The following GRM3 variants were observed in gnomAD, a reference collection of about 807,000 sequenced individuals.
The protein encoded by GRM3 is metabotropic glutamate receptor 3.
In GRM3, 26 loss-of-function variants were observed where a neutral mutation model predicts 70.5. The observed-to-expected ratio is 0.37, with a 90% confidence interval of 0.27 to 0.51. GRM3 has a LOEUF of 0.51. GRM3 is among the 20% of genes least tolerant of loss of function. GRM3 has a pLI of 0.93. For missense variants in GRM3, 859 were observed against 1,123.8 expected (o/e 0.76, Z 3.37); for synonymous variants, 443 against 434.9 (o/e 1.02, Z -0.23).
chr7:86,706,209 T>C (rs1255042252), intron 1 of GRM3, among the ~76,000 whole-genome samples: 1 of 152,066 alleles, frequency 6.6e-6, no homozygotes, highest in East Asian at 1.9e-4. Flanking sequence ...GCCCTGAAGG[T>C]CAAGGCACAG....
At chr7:86,725,429 G>A (rs1795569006) in intron 1 of GRM3, among the ~76,000 whole-genome samples, 1 of 152,080 alleles carries the variant, frequency 6.6e-6, no homozygotes, top group Non-Finnish European at 1.5e-5. Context: ...ATACCTCAAG[G>A]CTTCAAGCAG....
chr7:86,676,460 TC>T (rs1794308882), intron 1 of GRM3, among the ~76,000 whole-genome samples: 1 of 151,926 alleles, frequency 6.6e-6, no homozygotes, highest in South Asian at 2.1e-4. Context: ...GAAAAATACA[TC>T]CTCAAATTAA....
intron 1 of GRM3, among the ~76,000 whole-genome samples, chr7:86,646,006 T>TTTAGGGGG (rs1793458700): frequency 9.4e-5 from 1 of 10,632 alleles, no homozygotes; most frequent in Non-Finnish European, 1.6e-4. Flanking sequence ...GGTGGGGGGG[T>TTTAGGGGG]GGGGGGGGGT....
In GRM3 at chr7:86,689,552, A is replaced by C. The variant is rs549223730; in HGVS notation, c.-141+44680A>C. On this transcript the variant is annotated intron_variant, in intron 1 of 5. Coordinates refer to ENST00000361669, the MANE Select transcript of GRM3 (RefSeq NM_000840.3). ...GTCTTTGAAGGTTTTGAAGCATAAT[A>C]ATTCTGCTGAAGCAGCATAATGTTA... Among the ~76,000 whole-genome samples the C allele has an allele frequency of 2.8e-4, 42 of 152,260 alleles. No homozygotes were observed. In the East Asian group the frequency reaches 7.3e-3, roughly 27 times the overall value.
chr7:86,793,730 A>G (rs1797480711), intron 3 of GRM3, among the ~76,000 whole-genome samples: 1 of 152,132 alleles, frequency 6.6e-6, no homozygotes, highest in Non-Finnish European at 1.5e-5. Flanking sequence ...GGAGAACAGG[A>G]GCCTCTAGGA....
chr7:86,727,517 A>G (rs577220759), intron 1 of GRM3, among the ~76,000 whole-genome samples: 2 of 152,318 alleles, frequency 1.3e-5, no homozygotes, highest in African/African-American at 2.4e-5. Context: ...TGTATTTACC[A>G]TATTTACTCA....
intron 1 of GRM3, among the ~76,000 whole-genome samples, chr7:86,759,692 G>A (rs949997226): frequency 1.3e-5 from 2 of 152,002 alleles, no homozygotes; most frequent in Admixed American, 6.6e-5. Flanking sequence ...AAAGTATATG[G>A]GAATTTAGCA....
chr7:86,846,809 C>G (rs1182867830), intron 4 of GRM3, among the ~76,000 whole-genome samples: 2 of 152,194 alleles, frequency 1.3e-5, no homozygotes. Flanking sequence ...CCCTGAAACG[C>G]TCATATTTTC....
chr7:86,814,664 A>G (rs1307630597), intron 3 of GRM3, among the ~76,000 whole-genome samples: 1 of 151,704 alleles, frequency 6.6e-6, no homozygotes, highest in Non-Finnish European at 1.5e-5. Flanking sequence ...TGTTAATTAC[A>G]CATTTTCTTT....
chr7:86,863,023 C>T (rs1584285976), intron 5 of GRM3, among the ~76,000 whole-genome samples: 1 of 152,186 alleles, frequency 6.6e-6, no homozygotes, highest in East Asian at 1.9e-4. Flanking sequence ...CCCAGAGGAT[C>T]AGCTCCTACT....
intron 3 of GRM3, among the ~76,000 whole-genome samples, chr7:86,836,993 A>G (rs894268690): frequency 1.3e-5 from 2 of 152,214 alleles, no homozygotes; most frequent in Admixed American, 6.5e-5. Flanking sequence ...ACTGGAGTAC[A>G]GACACAAAGA....
chr7:86,739,523 A>G (rs1440627621), intron 1 of GRM3, among the ~76,000 whole-genome samples: 1 of 152,164 alleles, frequency 6.6e-6, no homozygotes, highest in African/African-American at 2.4e-5. Flanking sequence ...CCTTACCTCT[A>G]CCTGAAGGGA....
intron 3 of GRM3, among the ~76,000 whole-genome samples, chr7:86,793,290 C>G (rs992287366): frequency 1.6e-4 from 24 of 152,098 alleles, no homozygotes; most frequent in African/African-American, 5.6e-4. Flanking sequence ...CACTGCACTC[C>G]AAGGAATAAC....
At chr7:86,799,002 G>T (rs187137845) in intron 3 of GRM3, among the ~76,000 whole-genome samples, 1 of 152,102 alleles carries the variant, frequency 6.6e-6, no homozygotes, top group East Asian at 1.9e-4. Flanking sequence ...CTAGTCTTGG[G>T]TATGTCTTTA....
intron 1 of GRM3, among the ~76,000 whole-genome samples, chr7:86,762,835 C>T (rs772063518): frequency 2.0e-5 from 3 of 152,052 alleles, no homozygotes; most frequent in Non-Finnish European, 4.4e-5. Context: ...AGCAAGGGGT[C>T]ATCAACACCC....
chr7:86,700,032 CCA>C (rs770184189), intron 1 of GRM3, among the ~76,000 whole-genome samples: 1 of 151,912 alleles, frequency 6.6e-6, no homozygotes, highest in Non-Finnish European at 1.5e-5. Flanking sequence ...CGTGAATTTT[CCA>C]CAGTCCAGAG....
chr7:86,648,907 A>G (rs1488231686), intron 1 of GRM3, among the ~76,000 whole-genome samples: 1 of 152,138 alleles, frequency 6.6e-6, no homozygotes, highest in African/African-American at 2.4e-5. Context: ...ACAGTAGAGG[A>G]GTAAATGATA....
chr7:86,725,322 G>A (rs1420305707), intron 1 of GRM3, among the ~76,000 whole-genome samples: 1 of 152,106 alleles, frequency 6.6e-6, no homozygotes, highest in Non-Finnish European at 1.5e-5. Context: ...CAATCTGAAT[G>A]GTGTTGAACA....
intron 1 of GRM3, among the ~76,000 whole-genome samples, chr7:86,727,489 C>A (rs1795619610): frequency 1.3e-5 from 2 of 152,188 alleles, no homozygotes; most frequent in Non-Finnish European, 2.9e-5. Flanking sequence ...GCTCTTCTGG[C>A]ACATAGTACA....
Sources: gnomAD v4.1 joint callset for allele counts (sites outside exome capture counted in the v4.1 genomes callset) on GRCh38, gnomAD v4.1.1 for gene constraint, MANE v1.5 for transcripts, NCBI Gene and HGNC (gene_info 2026-07-23, HGNC 2026-07-21) for gene names.